TNRC6B: variants seen among roughly 807,000 people sequenced by gnomAD.
The protein encoded by TNRC6B is trinucleotide repeat-containing gene 6B protein.
TNRC6B carries 52 observed loss-of-function variants against 203.6 expected under a neutral mutation model. The observed-to-expected ratio is 0.26, with a 90% CI of 0.20 to 0.32. The LOEUF is 0.32. TNRC6B is among the 10% of genes least tolerant of loss of function. TNRC6B has a pLI of 1.00. For missense variants in TNRC6B, 1,923 were observed against 2,286.2 expected (o/e 0.84, Z 3.24); for synonymous variants, 838 against 845.7 (o/e 0.99, Z 0.16).
intron 1 of TNRC6B, among the ~76,000 whole-genome samples, chr22:40,218,962 A>G (rs1214918975): frequency 6.6e-6 from 1 of 152,266 alleles, no homozygotes; most frequent in Non-Finnish European, 1.5e-5. Context: ...GGCATAAATT[A>G]GAACTTCCTG....
intron 3 of TNRC6B, among the ~76,000 whole-genome samples, chr22:40,155,285 T>G (rs1057133558): frequency 3.9e-5 from 6 of 151,992 alleles, no homozygotes; most frequent in African/African-American, 4.8e-5. Context: ...ATGCAAACTT[T>G]TTGTTGTTGT....
At chr22:40,070,940 C>T (rs1441011715) in intron 1 of TNRC6B, among the ~76,000 whole-genome samples, 1 of 152,138 alleles carries the variant, frequency 6.6e-6, no homozygotes, top group Non-Finnish European at 1.5e-5. Flanking sequence ...CATGTCAGTT[C>T]AGGTCAGACC....
At chr22:40,067,594 T>C (rs1264013923) in intron 1 of TNRC6B, among the ~76,000 whole-genome samples, 1 of 152,142 alleles carries the variant, frequency 6.6e-6, no homozygotes, top group Admixed American at 6.5e-5. Flanking sequence ...GCCAGTGGTG[T>C]AACTTTCAGT....
At chr22:40,307,853 A>G (rs2071110802) in intron 15 of TNRC6B, among the ~76,000 whole-genome samples, 2 of 152,130 alleles carry the variant, frequency 1.3e-5, no homozygotes. Context: ...TAAAATGTTC[A>G]CTATCTTCTT....
At chr22:40,214,815 A>G (rs542767456) in intron 1 of TNRC6B, among the ~76,000 whole-genome samples, 2 of 152,154 alleles carry the variant, frequency 1.3e-5, no homozygotes, top group African/African-American at 2.4e-5. Context: ...TGGCCTCCCA[A>G]AGTGCTGAGA....
intron 3 of TNRC6B, among the ~76,000 whole-genome samples, chr22:40,137,199 A>G (rs1258801496): frequency 6.6e-6 from 1 of 152,238 alleles, no homozygotes; most frequent in African/African-American, 2.4e-5. Flanking sequence ...GGATATCTCT[A>G]CCTTAGGCTG....
chr22:40,203,726 G>A (rs1362452532), intron 1 of TNRC6B, among the ~76,000 whole-genome samples: 2 of 152,146 alleles, frequency 1.3e-5, no homozygotes, highest in Non-Finnish European at 2.9e-5. Flanking sequence ...ATTTTGTTTT[G>A]TTTTGTTTTC....
intron 11 of TNRC6B, among the ~76,000 whole-genome samples, chr22:40,283,077 C>T (rs2146525166): frequency 6.6e-6 from 1 of 151,846 alleles, no homozygotes; most frequent in African/African-American, 2.4e-5. Context: ...CCTCTGTCGC[C>T]CAGGCTGGAA....
intron 12 of TNRC6B, among the ~76,000 whole-genome samples, chr22:40,297,605 C>T (rs1422610316): frequency 6.6e-6 from 1 of 151,986 alleles, no homozygotes; most frequent in Admixed American, 6.6e-5. Context: ...GGGTGGATCA[C>T]GAGGTCAGGA....
chr22:40,092,907 A>G (rs2068161045), intron 1 of TNRC6B, among the ~76,000 whole-genome samples: 2 of 152,252 alleles, frequency 1.3e-5, no homozygotes, highest in African/African-American at 4.8e-5. Flanking sequence ...AAGGTGTAAG[A>G]TGGCAACTGA....
intron 3 of TNRC6B, among the ~76,000 whole-genome samples, chr22:40,144,920 G>A (rs1344250725): frequency 6.6e-6 from 1 of 151,464 alleles, no homozygotes; most frequent in Non-Finnish European, 1.5e-5. Context: ...GTTGCTTGAA[G>A]GTACAACCAT....
chr22:40,088,584 TTGTG>T (rs58537972), intron 1 of TNRC6B, among the ~76,000 whole-genome samples: 2,564 of 125,176 alleles, frequency 0.02, 41 homozygotes, highest in African/African-American at 0.054. Context: ...GCGGCTACTT[TTGTG>T]TGTGTGTGTG....
intron 1 of TNRC6B, among the ~76,000 whole-genome samples, chr22:40,109,018 G>A (rs1277095875): frequency 6.7e-6 from 1 of 148,336 alleles, no homozygotes; most frequent in Admixed American, 6.7e-5. Context: ...CTAATTATGA[G>A]TGAGAATATG....
chr22:40,218,767 A>G (rs1225213525), intron 1 of TNRC6B, among the ~76,000 whole-genome samples: 1 of 152,238 alleles, frequency 6.6e-6, no homozygotes, highest in African/African-American at 2.4e-5. Context: ...GCAGAAGGTG[A>G]CAGATTACAG....
intron 1 of TNRC6B, among the ~76,000 whole-genome samples, chr22:40,108,814 G>T (rs911800010): frequency 6.6e-6 from 1 of 152,192 alleles, no homozygotes; most frequent in Non-Finnish European, 1.5e-5. Flanking sequence ...TGTGCAGGAT[G>T]TGCAGGTTTG....
At chr22:40,214,916 C>CA (rs1390783630) in intron 1 of TNRC6B, among the ~76,000 whole-genome samples, 2 of 152,028 alleles carry the variant, frequency 1.3e-5, no homozygotes, top group South Asian at 2.1e-4. Context: ...TAAAAGCAAA[C>CA]AAAAAAATTG....
At chr22:40,170,440 ATATATATATTATATATATAGTT>A (rs2068966528) in intron 4 of TNRC6B, among the ~76,000 whole-genome samples, 1 of 15,796 alleles carries the variant, frequency 6.3e-5, no homozygotes, top group Non-Finnish European at 8.6e-5. Flanking sequence ...TATATAGTTT[ATATATATATTATATATATAGTT>A]TATATATATA....
chr22:40,088,793 C>T (rs1440132082), intron 1 of TNRC6B, among the ~76,000 whole-genome samples: 3 of 151,802 alleles, frequency 2.0e-5, no homozygotes, highest in African/African-American at 7.3e-5. Context: ...ATCATACAAG[C>T]TTAAAAATTA....
intron 1 of TNRC6B, among the ~76,000 whole-genome samples, chr22:40,236,208 C>T (rs1416127832): frequency 6.6e-6 from 1 of 152,190 alleles, no homozygotes; most frequent in Non-Finnish European, 1.5e-5. Context: ...CCATCAAATA[C>T]AGGACAGTTC....
Sources: gnomAD v4.1 joint callset for allele counts (sites outside exome capture counted in the v4.1 genomes callset) on GRCh38, gnomAD v4.1.1 for gene constraint, MANE v1.5 for transcripts, NCBI Gene and HGNC (gene_info 2026-07-23, HGNC 2026-07-21) for gene names.